Variants in SORCS2 observed in about 807,000 individuals in gnomAD.
The protein encoded by SORCS2 is VPS10 domain-containing receptor SorCS2.
SORCS2 carries 100 observed loss-of-function variants against 141.6 expected under a neutral mutation model. That is an observed-to-expected ratio of 0.71 (90% CI 0.60 to 0.83). The LOEUF (loss-of-function observed/expected upper bound fraction) is 0.83. Ranked by LOEUF, SORCS2 falls within the 40% of genes least tolerant of loss-of-function variation. SORCS2 has a pLI of 0.00. For missense variants in SORCS2, 1,646 were observed against 1,560.2 expected (o/e 1.05, Z -0.93); for synonymous variants, 789 against 676.9 (o/e 1.17, Z -2.57).
At chr4:7,586,671 T>A (rs1716558300) in intron 3 of SORCS2, among the ~76,000 whole-genome samples, 1 of 152,238 alleles carries the variant, frequency 6.6e-6, no homozygotes, top group African/African-American at 2.4e-5. Context: ...CATTCCTTTT[T>A]TATGGCAGCA....
chr4:7,562,515 A>T (rs190045601), intron 3 of SORCS2, among the ~76,000 whole-genome samples: 1 of 152,312 alleles, frequency 6.6e-6, no homozygotes, highest in Admixed American at 6.5e-5. Flanking sequence ...TAGATGGTAC[A>T]TACTTTAAGC....
intron 2 of SORCS2, among the ~76,000 whole-genome samples, chr4:7,479,874 C>T (rs745879880): frequency 1.3e-5 from 2 of 152,252 alleles, no homozygotes; most frequent in African/African-American, 2.4e-5. Flanking sequence ...CCCACGTGTG[C>T]TCTGTTAGGA....
chr4:7,427,798 G>A (rs184937614), intron 2 of SORCS2, among the ~76,000 whole-genome samples: 21 of 152,122 alleles, frequency 1.4e-4, no homozygotes, highest in East Asian at 7.8e-4. Flanking sequence ...GGGATGGCAC[G>A]GAGAGCCTTT....
chr4:7,508,399 G>A (rs576347148), intron 2 of SORCS2, among the ~76,000 whole-genome samples: 9 of 144,890 alleles, frequency 6.2e-5, no homozygotes, highest in African/African-American at 2.3e-4. Context: ...GGCTCATGCT[G>A]GAGTACAGTG....
chr4:7,592,662 T>A (rs928599374), intron 3 of SORCS2, among the ~76,000 whole-genome samples: 1 of 152,206 alleles, frequency 6.6e-6, no homozygotes. Context: ...AATGACTGTG[T>A]GGAGCAGGGC....
intron 4 of SORCS2, among the ~76,000 whole-genome samples, chr4:7,649,180 C>T (rs999717795): frequency 4.6e-5 from 7 of 152,076 alleles, no homozygotes; most frequent in South Asian, 2.1e-4. Context: ...TCTTGAACAC[C>T]GGCTGGGGAT....
intron 2 of SORCS2, among the ~76,000 whole-genome samples, chr4:7,416,540 C>G (rs1200575367): frequency 6.6e-6 from 1 of 152,084 alleles, no homozygotes; most frequent in Non-Finnish European, 1.5e-5. Flanking sequence ...TCACACACGC[C>G]CACACGTGCA....
chr4:7,255,460 G>C (rs200310259), intron 1 of SORCS2, among the ~76,000 whole-genome samples: 1 of 152,176 alleles, frequency 6.6e-6, no homozygotes, highest in East Asian at 1.9e-4. Context: ...AGGAATGGGA[G>C]ATGGCGTTGG....
Position 7,193,123 on chromosome 4 carries a change from C to A in SORCS2, c.477C>A (p.Ser159Arg). The part of the protein sequence containing the change: ...QAMVHWTGEN[S>R]SVILILTKYY... ...TGGTGCACTGGACGGGCGAGAACAG[C>A]AGCGTAAGTGACCTCCACGCGCTCG... The change falls in exon 1 of 27, where the codon AGC becomes AGA. Residue 159 changes from serine (S) to arginine (R), a missense_variant. By Grantham distance (110) the Ser-to-Arg change is moderately radical. Transcript: ENST00000507866. This position sits in a 1 kb window ranked among gnomAD's most constrained non-coding sequence, Gnocchi z 4.8. 1 of 1,535,402 alleles carries A rather than the reference C, an allele frequency of 6.5e-7. No individual in the cohort carries two copies. Among genetic ancestry groups the A allele is most frequent in the East Asian group, 2.6e-5 (1 of 38,446 alleles).
rs57464413 is a variant in SORCS2, at chr4:7,286,284, C to G, written c.480+93158C>G. ...AGAAAGAAGATAGAGGATGTGGGAG[C>G]CTGGCCAGCTGGAGCCACCGCTGGA... On this transcript the variant is annotated intron_variant, in intron 1 of 26. Coordinates refer to ENST00000507866, the MANE Select transcript of SORCS2 (RefSeq NM_020777.3). The surrounding 1 kb of genome is among the most constrained non-coding windows in gnomAD (Gnocchi z 4.1). Among the ~76,000 whole-genome samples, 103 of 152,266 alleles carry G rather than the reference C, an allele frequency of 6.8e-4. No individual in the cohort carries two copies. Among genetic ancestry groups the G allele is most frequent in the African/African-American group, 2.3e-3 (94 of 41,550 alleles).
intron 1 of SORCS2, among the ~76,000 whole-genome samples, chr4:7,357,008 C>T (rs1039804621): frequency 5.3e-5 from 8 of 152,066 alleles, no homozygotes; most frequent in Non-Finnish European, 1.2e-4. Context: ...GCAGAGGAGC[C>T]TCACTGTAGA....
intron 9 of SORCS2, among the ~76,000 whole-genome samples, chr4:7,682,428 C>T (rs1723581280): frequency 6.6e-6 from 1 of 152,182 alleles, no homozygotes; most frequent in Non-Finnish European, 1.5e-5. Flanking sequence ...ACAGGCAGGT[C>T]AGGGCTCCAG....
intron 3 of SORCS2, among the ~76,000 whole-genome samples, chr4:7,574,231 C>G (rs533384653): frequency 6.6e-6 from 1 of 152,382 alleles, no homozygotes; most frequent in African/African-American, 2.4e-5. Context: ...GTTCCCCACC[C>G]TCGGAGGTGA....
intron 1 of SORCS2, among the ~76,000 whole-genome samples, chr4:7,376,919 T>C (rs1722694018): frequency 7.0e-6 from 1 of 142,994 alleles, no homozygotes; most frequent in Non-Finnish European, 1.5e-5. Flanking sequence ...AGCCCACGGA[T>C]GTTCCAGCCC....
chr4:7,724,483 A>ATGGTGGTGATGATGG (rs1726925526), intron 19 of SORCS2, among the ~76,000 whole-genome samples: 2 of 97,446 alleles, frequency 2.1e-5, no homozygotes, highest in South Asian at 3.8e-4. Context: ...GATGGTGGTG[A>ATGGTGGTGATGATGG]TGGTGGTGGT....
At chr4:7,302,634 C>T (rs1717507736) in intron 1 of SORCS2, among the ~76,000 whole-genome samples, 3 of 152,160 alleles carry the variant, frequency 2.0e-5, no homozygotes, top group Admixed American at 2.0e-4. Flanking sequence ...CACAGTTGGA[C>T]TTAACCATGT....
At chr4:7,371,010 C>T (rs917622059) in intron 1 of SORCS2, among the ~76,000 whole-genome samples, 1 of 152,198 alleles carries the variant, frequency 6.6e-6, no homozygotes, top group Non-Finnish European at 1.5e-5. Flanking sequence ...GCACGGGGTA[C>T]GATCTTGCCT....
chr4:7,740,128 C>G, intron 26 of SORCS2, 72 bp from the exon 27 acceptor site: 1 of 1,373,748 alleles, frequency 7.3e-7, no homozygotes, highest in South Asian at 1.2e-5. Flanking sequence ...GAGGCCACGA[C>G]CGTGTCCCCT....
At chr4:7,244,033 G>A (rs1712900245) in intron 1 of SORCS2, among the ~76,000 whole-genome samples, 1 of 152,252 alleles carries the variant, frequency 6.6e-6, no homozygotes, top group Admixed American at 6.5e-5. Context: ...GCTCAGCGGA[G>A]TCACCTCTGT....
Sources: gnomAD v4.1 joint callset for allele counts (sites outside exome capture counted in the v4.1 genomes callset) on GRCh38, gnomAD v4.1.1 for gene constraint, Gnocchi (gnomAD v3.1) non-coding constraint, MANE v1.5 for transcripts, NCBI Gene and HGNC (gene_info 2026-07-23, HGNC 2026-07-21) for gene names.